AFAP1L1: variants seen among roughly 807,000 people sequenced by gnomAD.
AFAP1L1 encodes actin filament associated protein 1 like 1.
A neutral mutation model predicts 99.8 loss-of-function variants in AFAP1L1; 77 were observed. The ratio of observed to expected loss-of-function variants is 0.77; its 90% CI spans 0.64 to 0.93. AFAP1L1 has a LOEUF of 0.93. Among genes scored for constraint, AFAP1L1 ranks in the 40% least tolerant of loss-of-function variants. The pLI is 0.00. For synonymous variants in AFAP1L1, 373 were observed against 395.3 expected (o/e 0.94, Z 0.67); for missense variants, 893 against 996.8 (o/e 0.90, Z 1.40).
chr5:149,292,900 G>A lies in AFAP1L1; in HGVS notation c.17-6609G>A, dbSNP rs938603145. 9.9e-5 allele frequency among the ~76,000 whole-genome samples: 15 copies of A among 152,182 alleles called. No individual in the cohort carries two copies. The South Asian group carries it at 1.0e-3, about 11-fold the overall frequency. ...CAAGGACCCAGGATTCCTGGGTTGCGTTACTACCCCTCTGTCTAGAAGATA... is the reference window on the plus strand; with the variant it reads ...CAAGGACCCAGGATTCCTGGGTTGCATTACTACCCCTCTGTCTAGAAGATA... On this transcript the variant is annotated intron_variant, in intron 1 of 18. Transcript: ENST00000296721.
chr5:149,287,650 C>A (rs1275985393), intron 1 of AFAP1L1, among the ~76,000 whole-genome samples: 2 of 152,060 alleles, frequency 1.3e-5, no homozygotes, highest in African/African-American at 4.8e-5. Flanking sequence ...GGGGTGCAAT[C>A]TTGGCTCATG....
chr5:149,279,408 A>G (rs1007519834), intron 1 of AFAP1L1, among the ~76,000 whole-genome samples: 41 of 152,256 alleles, frequency 2.7e-4, no homozygotes, highest in Non-Finnish European at 4.1e-4. Context: ...GTAAAATTCA[A>G]GAAGCTTTCG....
At chr5:149,273,507 A>G (rs981147124) in intron 1 of AFAP1L1, among the ~76,000 whole-genome samples, 2 of 152,078 alleles carry the variant, frequency 1.3e-5, no homozygotes, top group African/African-American at 2.4e-5. Flanking sequence ...CCCCTCCCCA[A>G]CAGAGAATAC....
chr5:149,302,628 A>T lies in AFAP1L1; in HGVS notation c.436+102A>T, dbSNP rs1335475485. The T allele has an allele frequency of 3.2e-6, 3 of 942,692 alleles. No individual in the cohort carries two copies. In the East Asian group the frequency reaches 8.3e-5, roughly 26 times the overall value. 58.4% of individuals were successfully genotyped at this position (942,692 alleles called of 1,614,324 possible). On this transcript the variant is annotated intron_variant, in intron 5 of 18. Transcript: ENST00000296721. ...TGGGAGCTGGAACTGCAAGCCTGTC[A>T]CCCTCCCAACCATGTCACCATTGGC...
intron 1 of AFAP1L1, among the ~76,000 whole-genome samples, chr5:149,292,810 G>A (rs947206618): frequency 1.3e-5 from 2 of 152,192 alleles, no homozygotes; most frequent in African/African-American, 4.8e-5. Flanking sequence ...AGTCTGCCAA[G>A]AGCAAAGACA....
intron 18 of AFAP1L1, 106 bp downstream of exon 18, chr5:149,335,828 G>T: frequency 6.9e-7 from 1 of 1,454,924 alleles, no homozygotes; most frequent in Non-Finnish European, 9.3e-7. Flanking sequence ...GTAGAGAATT[G>T]CCAATGCATT....
At chr5:149,311,340 G>A (rs1488102516) in intron 8 of AFAP1L1, among the ~76,000 whole-genome samples, 1 of 152,218 alleles carries the variant, frequency 6.6e-6, no homozygotes, top group Non-Finnish European at 1.5e-5. Context: ...CTAGACTGGA[G>A]TTAAAAGAGA....
At chr5:149,311,265 G>A (rs2127597252) in intron 8 of AFAP1L1, among the ~76,000 whole-genome samples, 1 of 152,294 alleles carries the variant, frequency 6.6e-6, no homozygotes, top group Non-Finnish European at 1.5e-5. Flanking sequence ...GGAAAGAAGG[G>A]AGAGAACCTG....
At chr5:149,313,906 AG>A (rs1191856396) in intron 9 of AFAP1L1, among the ~76,000 whole-genome samples, 1 of 152,152 alleles carries the variant, frequency 6.6e-6, no homozygotes, top group Non-Finnish European at 1.5e-5. Context: ...GTGCAGGAGC[AG>A]GAAGAAGCAT....
In AFAP1L1 at chr5:149,333,818, G is replaced by A. The variant is rs77954694; in HGVS notation, c.2154+945G>A. 2.4e-4 allele frequency among the ~76,000 whole-genome samples: 36 copies of A among 152,236 alleles called. 1 individual carries two copies. Among genetic ancestry groups the A allele is most frequent in the East Asian group, 1.9e-3 (10 of 5,180 alleles). ...CTCCAGAAATTGCCAGATGTCCCTC[G>A]GGAGAGCAAAAAACTGACCCTGGTT... On this transcript the variant is annotated intron_variant, in intron 17 of 18. Transcript: ENST00000296721.
At chr5:149,288,056 G>A (rs1185545859) in intron 1 of AFAP1L1, among the ~76,000 whole-genome samples, 5 of 152,176 alleles carry the variant, frequency 3.3e-5, no homozygotes, top group African/African-American at 1.2e-4. Context: ...GATGAGATGG[G>A]TCCCCAAACT....
At chr5:149,318,655 TACTC>T (rs753559051) in intron 12 of AFAP1L1, among the ~76,000 whole-genome samples, 1 of 152,216 alleles carries the variant, frequency 6.6e-6, no homozygotes, top group East Asian at 1.9e-4. Flanking sequence ...CTGTCCTTCT[TACTC>T]ACGGGCACTA....
chr5:149,273,679 G>A (rs1321880652), intron 1 of AFAP1L1, among the ~76,000 whole-genome samples: 1 of 151,990 alleles, frequency 6.6e-6, no homozygotes, highest in African/African-American at 2.4e-5. Flanking sequence ...AGGAAAAACA[G>A]AGAGAAGAGG....
At position 149,340,452 on chromosome 5, in the gene AFAP1L1, G is replaced by C. The variant is rs1757529964; in HGVS notation, c.*422G>C. The C allele has an allele frequency of 5.7e-6, 1 of 176,202 alleles. No individual in the cohort carries two copies. The highest frequency in any genetic ancestry group is 2.3e-5 in the African/African-American group (1 of 42,958). The allele number at this position is 176,202 out of a possible 1,614,324, so 10.9% of individuals were successfully genotyped here. ...TGAAGCATTGGTGGTGCAGTGTAAA[G>C]AGACAAGACCTGATCATCTGATCAC... is the stretch of plus-strand genomic sequence containing the variant. On this transcript the variant is annotated 3_prime_UTR_variant, in exon 19 of 19. Transcript: ENST00000296721.
At chr5:149,282,038 C>T (rs1243074032) in intron 1 of AFAP1L1, among the ~76,000 whole-genome samples, 1 of 152,154 alleles carries the variant, frequency 6.6e-6, no homozygotes, top group Non-Finnish European at 1.5e-5. Context: ...GAGGCTGAGC[C>T]GGGAGGGCCC....
At position 149,340,035 on chromosome 5, in the gene AFAP1L1, A is replaced by G. The variant is rs369709194; in HGVS notation, c.*5A>G. The G allele has an allele frequency of 1.2e-5, 20 of 1,613,918 alleles. No homozygotes were observed. In the African/African-American group the frequency reaches 2.5e-4, roughly 20 times the overall value. ...TGGGAAATGAAGAAGACCTAGGAAG[A>G]GGATGAGGATTTCATTCCAAAGGAA... is the stretch of plus-strand genomic sequence containing the variant. On this transcript the variant is annotated 3_prime_UTR_variant, in exon 19 of 19. Coordinates refer to ENST00000296721, the MANE Select transcript of AFAP1L1 (RefSeq NM_152406.4).
chr5:149,291,531 AAAAAAAAAAAAAAAAAAAAG>A (rs1755856797), intron 1 of AFAP1L1, among the ~76,000 whole-genome samples: 1 of 135,880 alleles, frequency 7.4e-6, no homozygotes, highest in African/African-American at 2.8e-5. Context: ...TCTCAAAAAA[AAAAAAAAAAAAAAAAAAAAG>A]AAAGAAAGAA....
chr5:149,293,537 A>C (rs963885370), intron 1 of AFAP1L1, among the ~76,000 whole-genome samples: 1 of 152,226 alleles, frequency 6.6e-6, no homozygotes, highest in Admixed American at 6.5e-5. Flanking sequence ...CTAGGCCATC[A>C]AAATATTGTA....
chr5:149,341,106 T>A lies in AFAP1L1; in HGVS notation c.*1076T>A, dbSNP rs1480550043. 1 of 152,128 alleles carries A rather than the reference T, an allele frequency of 6.6e-6. No homozygotes were observed. The highest frequency in any genetic ancestry group is 2.4e-5 in the African/African-American group (1 of 41,400). The allele number at this position is 152,128 out of a possible 1,614,324, so 9.4% of individuals were successfully genotyped here. A position where few individuals can be genotyped will look rare whatever the true frequency, so the allele number is the denominator to read the frequency against. On this transcript the variant is annotated 3_prime_UTR_variant, in exon 19 of 19. Coordinates refer to ENST00000296721, the MANE Select transcript of AFAP1L1 (RefSeq NM_152406.4). Reference sequence around the variant, plus strand: ...ACTACTGTCTCAACACTGTAGTGAGTCTGTCTTTAACACATTTCCTTCCAA... The same window carrying A: ...ACTACTGTCTCAACACTGTAGTGAGACTGTCTTTAACACATTTCCTTCCAA...
Sources: allele counts gnomAD v4.1 joint callset (sites outside exome capture counted in the v4.1 genomes callset), GRCh38; gene constraint gnomAD v4.1.1; transcripts MANE v1.5; gene names NCBI Gene and HGNC (gene_info 2026-07-23, HGNC 2026-07-21).